The following BANF2 variants were observed in gnomAD, a reference collection of about 807,000 sequenced individuals.
The protein encoded by BANF2 is barrier-to-autointegration factor-like protein.
A neutral mutation model predicts 8.0 loss-of-function variants in BANF2; 4 were observed. The observed-to-expected ratio is 0.50, with a 90% confidence interval of 0.25 to 1.14. BANF2 has a LOEUF of 1.14. BANF2 is among the 50% of genes most tolerant of loss of function. BANF2 has a pLI of 0.16. For synonymous variants in BANF2, 50 were observed against 40.6 expected (o/e 1.23, Z -0.88); for missense variants, 96 against 107.5 (o/e 0.89, Z 0.47).
chr20:17,719,996 G>A (rs553409343), intron 1 of BANF2, among the ~76,000 whole-genome samples: 5 of 152,296 alleles, frequency 3.3e-5, no homozygotes, highest in Admixed American at 3.3e-4. Context: ...CAACATACTT[G>A]AGTCACTTGG....
At chr20:17,734,016 G>A in intron 3 of BANF2, among the ~76,000 whole-genome samples, 1 of 152,182 alleles carries the variant, frequency 6.6e-6, no homozygotes, top group East Asian at 1.9e-4. Context: ...AGGCTGGAGA[G>A]CCCCCAAAAC....
upstream of BANF2, among the ~76,000 whole-genome samples, chr20:17,695,289 A>G (rs2037337420): frequency 6.6e-6 from 1 of 151,578 alleles, no homozygotes; most frequent in Admixed American, 6.6e-5. Context: ...CTCTACAAAC[A>G]ATAATTAAAA....
intron 3 of BANF2, among the ~76,000 whole-genome samples, chr20:17,728,433 C>T (rs2037842750): frequency 1.3e-5 from 2 of 152,192 alleles, no homozygotes; most frequent in African/African-American, 4.8e-5. Flanking sequence ...GCCCCCGCTC[C>T]ACCCCGCCAA....
chr20:17,707,587 C>CA (rs999259219), intron 1 of BANF2, among the ~76,000 whole-genome samples: 3 of 150,842 alleles, frequency 2.0e-5, no homozygotes, highest in African/African-American at 7.3e-5. Context: ...TATATATATA[C>CA]TTTTTTTTTG....
chr20:17,725,031 C>T lies in BANF2; in HGVS notation c.6C>T (p.Asp2=), dbSNP rs777318190. The T allele has an allele frequency of 8.4e-5, 135 of 1,606,554 alleles. 2 individuals carry two copies. The highest frequency in any genetic ancestry group is 2.0e-4 in the African/African-American group (15 of 74,782). The change falls in exon 3 of 4, where the codon GAC becomes GAT. Residue 2 remains aspartate, a synonymous_variant. Coordinates refer to ENST00000246090, the MANE Select transcript of BANF2 (RefSeq NM_178477.5). ...CCCCACTGCTGTCGCAGGAGATGGA[C>T]AACATGTCTCCCAGGCTGAGAGCCT... M[D]NMSPRLRAFL...
intron 1 of BANF2, among the ~76,000 whole-genome samples, chr20:17,706,203 C>A (rs1042333135): frequency 1.3e-5 from 2 of 152,172 alleles, no homozygotes; most frequent in African/African-American, 4.8e-5. Flanking sequence ...GAGCCAAGTA[C>A]ACACTTTAAA....
At chr20:17,732,140 C>T (rs2037907153) in intron 3 of BANF2, among the ~76,000 whole-genome samples, 6 of 151,952 alleles carry the variant, frequency 3.9e-5, no homozygotes, top group Admixed American at 3.9e-4. Context: ...TGACAAGAGC[C>T]AAGTGTTAAA....
chr20:17,702,430 G>A (rs11696194), intron 1 of BANF2, among the ~76,000 whole-genome samples: 28,113 of 152,148 alleles, frequency 0.18, 3,087 homozygotes, highest in African/African-American at 0.3. Context: ...GCTAATTGTG[G>A]CACTCTCCCT....
chr20:17,708,766 C>T (rs2037525133), intron 1 of BANF2, among the ~76,000 whole-genome samples: 1 of 152,108 alleles, frequency 6.6e-6, no homozygotes, highest in African/African-American at 2.4e-5. Flanking sequence ...AAACCGAGAT[C>T]TTTTTTCCAG....
chr20:17,733,607 G>A (rs548894061), intron 3 of BANF2, among the ~76,000 whole-genome samples: 3 of 152,144 alleles, frequency 2.0e-5, no homozygotes, highest in Admixed American at 6.5e-5. Context: ...CTTAATAAAT[G>A]TTATTTTTCA....
intron 1 of BANF2, among the ~76,000 whole-genome samples, chr20:17,716,284 G>A (rs1489614834): frequency 6.6e-6 from 1 of 152,122 alleles, no homozygotes; most frequent in Non-Finnish European, 1.5e-5. Flanking sequence ...GGTGGGAGAG[G>A]GCTCCTCAGA....
At chr20:17,725,430 AAGTAGGT>A (rs2037794216) in intron 3 of BANF2, among the ~76,000 whole-genome samples, 1 of 152,218 alleles carries the variant, frequency 6.6e-6, no homozygotes, top group Non-Finnish European at 1.5e-5. Flanking sequence ...GGATCAACAG[AAGTAGGT>A]CAGCCGCCGG....
intron 1 of BANF2, among the ~76,000 whole-genome samples, chr20:17,694,597 C>CTTTTTTTTTTTT (rs2037327197): frequency 2.8e-5 from 1 of 36,278 alleles, no homozygotes; most frequent in African/African-American, 7.3e-5. Flanking sequence ...TGTTTTTTCT[C>CTTTTTTTTTTTT]TCTCTTTTTT....
At chr20:17,714,972 C>A (rs545334540) in intron 1 of BANF2, among the ~76,000 whole-genome samples, 1 of 152,190 alleles carries the variant, frequency 6.6e-6, no homozygotes, top group East Asian at 1.9e-4. Flanking sequence ...AATTTTATAC[C>A]ATCTAGAGAC....
Position 17,700,558 on chromosome 20 carries a change from C to T in BANF2, c.-167+503C>T, listed in dbSNP as rs117057753. Among the ~76,000 whole-genome samples, 108 of 152,290 alleles carry T rather than the reference C, an allele frequency of 7.1e-4. 3 individuals carry two copies. The East Asian group carries it at 0.02, about 28-fold the overall frequency. ...TTCCTGCTTTGGCTGTTTTTAAATC[C>T]ACCTCCTGGTGACCTGCTGGTATAT... On this transcript the variant is annotated intron_variant, in intron 1 of 3. Coordinates refer to ENST00000246090, the MANE Select transcript of BANF2 (RefSeq NM_178477.5).
At chr20:17,708,088 G>A (rs1379303027) in intron 1 of BANF2, among the ~76,000 whole-genome samples, 1 of 150,096 alleles carries the variant, frequency 6.7e-6, no homozygotes. Context: ...TTAGCCAGGT[G>A]TTGCGGTGCA....
intron 2 of BANF2, among the ~76,000 whole-genome samples, chr20:17,723,512 T>A (rs531226811): frequency 1.3e-5 from 2 of 152,364 alleles, no homozygotes; most frequent in Admixed American, 6.5e-5. Flanking sequence ...TTTGGTAGCA[T>A]GTGCTAATAA....
At chr20:17,720,676 A>G (rs1194003109) in intron 1 of BANF2, among the ~76,000 whole-genome samples, 2 of 152,224 alleles carry the variant, frequency 1.3e-5, no homozygotes, top group Admixed American at 6.5e-5. Context: ...TTGCTCTTCA[A>G]TGGATATGGA....
chr20:17,709,926 A>T (rs868391310), intron 1 of BANF2, among the ~76,000 whole-genome samples: 1 of 152,180 alleles, frequency 6.6e-6, no homozygotes, highest in Admixed American at 6.5e-5. Context: ...ATCTAATTGC[A>T]GTGCAAGTAG....
Sources: allele counts gnomAD v4.1 joint callset (sites outside exome capture counted in the v4.1 genomes callset), GRCh38; gene constraint gnomAD v4.1.1; transcripts MANE v1.5; gene names NCBI Gene and HGNC (gene_info 2026-07-23, HGNC 2026-07-21).